CALM2: variants seen among roughly 807,000 people sequenced by gnomAD.
CALM2 encodes the protein calmodulin-2.
CALM2 carries 2 observed loss-of-function variants against 19.8 expected under a neutral mutation model. The ratio of observed to expected loss-of-function variants is 0.10; its 90% CI spans 0.04 to 0.32. The LOEUF (loss-of-function observed/expected upper bound fraction) is 0.32, where lower values mean the gene tolerates loss of function less well. Ranked by LOEUF, CALM2 falls within the 10% of genes least tolerant of loss-of-function variation. The pLI, the probability that CALM2 is intolerant of heterozygous loss-of-function variation, is 1.00. For synonymous variants in CALM2, 51 were observed against 52.1 expected, an observed-to-expected ratio of 0.98 and a Z score of 0.09; for missense variants, 38 against 178.7, an observed-to-expected ratio of 0.21 and a Z score of 4.49.
At chr2:47,168,714 A>C (rs760249265) in intron 2 of CALM2, among the ~76,000 whole-genome samples, 59 of 152,192 alleles carry the variant, frequency 3.9e-4, no homozygotes, top group Non-Finnish European at 7.3e-4. Flanking sequence ...AACTGTCTCA[A>C]AATAAATTAA....
chr2:47,162,191 A>AAAAAAAAAAAAC, intron 4 of CALM2, 95 bp downstream of exon 4: 2 of 485,330 alleles, frequency 4.1e-6, no homozygotes, highest in Admixed American at 4.2e-5. Flanking sequence ...AAAAAAAAAA[A>AAAAAAAAAAAAC]AAAAAAAAAC....
At chr2:47,161,167 C>T (rs1687141799) in intron 5 of CALM2, among the ~76,000 whole-genome samples, 1 of 152,106 alleles carries the variant, frequency 6.6e-6, no homozygotes, top group African/African-American at 2.4e-5. Flanking sequence ...ATGCTCTTTT[C>T]TAAGTTAAGT....
chr2:47,176,927 C>T, upstream of CALM2: 9 of 985,452 alleles, frequency 9.1e-6, no homozygotes, highest in Non-Finnish European at 9.6e-6. Flanking sequence ...GCCGCGCTGT[C>T]CTGGCAACTG....
At chr2:47,176,266 T>C (rs1573235677) in intron 1 of CALM2, 175 bp downstream of exon 1, 1 of 693,442 alleles carries the variant, frequency 1.4e-6, no homozygotes, top group African/African-American at 1.8e-5. Flanking sequence ...AGAATGGGGG[T>C]GGGGGAGCAC....
In CALM2 at chr2:47,165,612, G is replaced by A. The variant is rs79036459; in HGVS notation, c.35-2950C>T. Among the ~76,000 whole-genome samples the A allele has an allele frequency of 4.0e-3, 615 of 152,206 alleles. 3 individuals are homozygous for A. Among genetic ancestry groups the A allele is most frequent in the African/African-American group, 0.014 (589 of 41,522 alleles). ...TATACTGCCAAAGGCTCTTACTCCTGTCTCTTATGTCTAGATGTGACCAAT... is the reference window on the plus strand; with the variant it reads ...TATACTGCCAAAGGCTCTTACTCCTATCTCTTATGTCTAGATGTGACCAAT... On this transcript the variant is annotated intron_variant, in intron 2 of 5. Transcript: ENST00000272298.
At chr2:47,162,117 T>C (rs1412242376) in intron 4 of CALM2, among the ~76,000 whole-genome samples, 169 bp downstream of exon 4, 2 of 137,674 alleles carry the variant, frequency 1.5e-5, no homozygotes, top group Non-Finnish European at 3.0e-5. Context: ...AGAAAGTCTA[T>C]ACTGAATTCT....
In CALM2 at chr2:47,176,485, A is replaced by C. The variant is rs1666877281; in HGVS notation, c.-42T>G. Reference sequence around the variant, plus strand: ...GTTTCCGAGACGCGACCACACAACCACTCAGCTCGCTCTCTCCACTCGGAC... The same window carrying C: ...GTTTCCGAGACGCGACCACACAACCCCTCAGCTCGCTCTCTCCACTCGGAC... On this transcript the variant is annotated 5_prime_UTR_variant, in exon 1 of 6. Coordinates refer to ENST00000272298, the MANE Select transcript of CALM2 (RefSeq NM_001743.6). 1.9e-6 allele frequency: 3 copies of C among 1,612,506 alleles called. No individual in the cohort carries two copies. The highest frequency in any genetic ancestry group is 2.7e-5 in the African/African-American group (2 of 74,704).
intron 2 of CALM2, among the ~76,000 whole-genome samples, chr2:47,169,707 T>C (rs1385320269): frequency 6.6e-6 from 1 of 152,188 alleles, no homozygotes; most frequent in Non-Finnish European, 1.5e-5. Context: ...TTGAGGTGAC[T>C]AGTGTAATTC....
chr2:47,161,714 A>C lies in CALM2; in HGVS notation c.421+9T>G. On this transcript the variant is annotated intron_variant, in intron 5 of 5. Coordinates refer to ENST00000272298, the MANE Select transcript of CALM2 (RefSeq NM_001743.6). Reference sequence around the variant, plus strand: ...AGTGAAGAATGAGGCGTGAGACTGAAACATTTACCTTCATAGTTTACTTGA... The same window carrying C: ...AGTGAAGAATGAGGCGTGAGACTGACACATTTACCTTCATAGTTTACTTGA... 1 of 1,606,748 alleles carries C rather than the reference A, an allele frequency of 6.2e-7. No individual in the cohort carries two copies. The highest frequency in any genetic ancestry group is 1.1e-5 in the South Asian group (1 of 89,874).
At chr2:47,176,127 T>C (rs1372688908) in intron 1 of CALM2, 4 of 388,422 alleles carry the variant, frequency 1.0e-5, no homozygotes, top group East Asian at 3.9e-5. Flanking sequence ...CTTCACTTTC[T>C]CTCCTTCCCG....
At chr2:47,168,440 T>G (rs935286676) in intron 2 of CALM2, among the ~76,000 whole-genome samples, 2 of 152,092 alleles carry the variant, frequency 1.3e-5, no homozygotes, top group African/African-American at 4.8e-5. Context: ...CAAGTATTCT[T>G]TATAAGAATT....
At chr2:47,175,453 G>C (rs1373322003) in intron 1 of CALM2, among the ~76,000 whole-genome samples, 1 of 152,194 alleles carries the variant, frequency 6.6e-6, no homozygotes, top group Non-Finnish European at 1.5e-5. Flanking sequence ...CGGTGAACAA[G>C]AAACGCCTTG....
intron 1 of CALM2, among the ~76,000 whole-genome samples, chr2:47,175,729 C>G (rs1666837800): frequency 6.6e-6 from 1 of 151,246 alleles, no homozygotes; most frequent in Non-Finnish European, 1.5e-5. Flanking sequence ...CCAAGGAGAT[C>G]TCCGCAGTCC....
chr2:47,170,690 A>G, intron 2 of CALM2, 44 bp downstream of exon 2: 2 of 1,511,634 alleles, frequency 1.3e-6, no homozygotes, highest in Non-Finnish European at 1.8e-6. Flanking sequence ...TATTCAATTT[A>G]TAATAAGAAT....
chr2:47,176,269 G>C (rs973346452), intron 1 of CALM2, 172 bp downstream of exon 1: 3 of 714,540 alleles, frequency 4.2e-6, no homozygotes, highest in Admixed American at 5.4e-5. Flanking sequence ...ATGGGGGTGG[G>C]GGAGCACCTG....
intron 1 of CALM2, chr2:47,174,081 A>C (rs1666766037): frequency 6.6e-6 from 1 of 152,196 alleles, no homozygotes; most frequent in Non-Finnish European, 1.5e-5. Flanking sequence ...CAAGTGACAA[A>C]AATTTTCTAC....
At chr2:47,165,381 C>T (rs780879478) in intron 2 of CALM2, among the ~76,000 whole-genome samples, 1 of 152,164 alleles carries the variant, frequency 6.6e-6, no homozygotes, top group Non-Finnish European at 1.5e-5. Flanking sequence ...ACACAGTATA[C>T]CATGCCCACA....
chr2:47,172,654 A>C, intron 1 of CALM2: 4 of 340,872 alleles, frequency 1.2e-5, no homozygotes, highest in South Asian at 7.1e-5. Context: ...CTAAATCCAC[A>C]AGGTGCAACC....
At chr2:47,170,531 A>G (rs1226843520) in intron 2 of CALM2, among the ~76,000 whole-genome samples, 1 of 152,222 alleles carries the variant, frequency 6.6e-6, no homozygotes, top group Non-Finnish European at 1.5e-5. Context: ...TTTAACTACA[A>G]TTAGCCCTGC....
Sources: gnomAD v4.1 joint callset for allele counts (sites outside exome capture counted in the v4.1 genomes callset) on GRCh38, gnomAD v4.1.1 for gene constraint, MANE v1.5 for transcripts, NCBI Gene and HGNC (gene_info 2026-07-23, HGNC 2026-07-21) for gene names.